TCERG1L: variants seen among roughly 807,000 people sequenced by gnomAD.
TCERG1L encodes the protein transcription elongation regulator 1 like, also known as transcription elongation regulator 1-like protein.
TCERG1L carries 37 observed loss-of-function variants against 56.3 expected under a neutral mutation model. The ratio of observed to expected loss-of-function variants is 0.66; its 90% CI spans 0.51 to 0.87. The LOEUF (loss-of-function observed/expected upper bound fraction) is 0.87, where lower values mean the gene tolerates loss of function less well. Among genes scored for constraint, TCERG1L ranks in the 40% least tolerant of loss-of-function variants. The probability of loss-of-function intolerance (pLI) is 0.00; values close to 1 mark genes in which losing one functional copy is unlikely to be tolerated. For missense variants in TCERG1L, 799 were observed against 774.2 expected (o/e 1.03, Z -0.38); for synonymous variants, 324 against 326.3 (o/e 0.99, Z 0.08).
At chr10:131,188,761 C>T (rs1330981839) in intron 4 of TCERG1L, among the ~76,000 whole-genome samples, 1 of 152,158 alleles carries the variant, frequency 6.6e-6, no homozygotes, top group Non-Finnish European at 1.5e-5. Context: ...ACTATATTCA[C>T]ATGATTCAAA....
chr10:131,234,264 AG>A (rs1366861684), intron 4 of TCERG1L, among the ~76,000 whole-genome samples: 1 of 152,240 alleles, frequency 6.6e-6, no homozygotes, highest in African/African-American at 2.4e-5. Context: ...CATCTGTGAG[AG>A]TCCCTGCTAC....
intron 7 of TCERG1L, 59 bp downstream of exon 7, chr10:131,146,447 T>G: frequency 7.0e-7 from 1 of 1,434,350 alleles, no homozygotes; most frequent in South Asian, 1.7e-5. Flanking sequence ...TTTACGTTCA[T>G]TAGAAATAAG....
intron 3 of TCERG1L, among the ~76,000 whole-genome samples, chr10:131,304,853 A>AC (rs910135197): frequency 1.3e-5 from 2 of 151,930 alleles, no homozygotes; most frequent in Non-Finnish European, 2.9e-5. Flanking sequence ...AAGTCCCCCA[A>AC]CAGTCCGTGA....
chr10:131,282,122 C>CA (rs1846464031), intron 3 of TCERG1L, among the ~76,000 whole-genome samples: 1 of 117,518 alleles, frequency 8.5e-6, no homozygotes, highest in African/African-American at 3.2e-5. Context: ...GGCGAAAGAG[C>CA]AAGACTCCAT....
At position 131,311,061 on chromosome 10, in the gene TCERG1L, C is replaced by T. The variant is rs1222393867; in HGVS notation, c.342+233G>A. On this transcript the variant is annotated intron_variant, in intron 1 of 11. Transcript: ENST00000368642. The surrounding 1 kb of genome is among the most constrained non-coding windows in gnomAD (Gnocchi z 4.0). ...CTGGGCGGCGGGTCCCTCCACGGCTCCGTCCAGACACCCGGAGGCACCTGC... is the reference window on the plus strand; with the variant it reads ...CTGGGCGGCGGGTCCCTCCACGGCTTCGTCCAGACACCCGGAGGCACCTGC... Among the ~76,000 whole-genome samples, 1 of 152,088 alleles carries T rather than the reference C, an allele frequency of 6.6e-6. No homozygotes were observed. Among genetic ancestry groups the T allele is most frequent in the Non-Finnish European group, 1.5e-5 (1 of 67,990 alleles).
rs1354612429 is a variant in TCERG1L, at chr10:131,311,506, G to A, written c.130C>T (p.Pro44Ser). ...AGCCGGAGCAGCCCGGCCGAGCCCG[G>A]CACCATCCAGACCCAGGGCGGCGGC... ...PPPPPWVWMVPGSAGLLRLSA... is the reference protein window; with the variant it reads ...PPPPPWVWMVSGSAGLLRLSA... The change falls in exon 1 of 12, where the codon CCG becomes TCG. Residue 44 changes from proline to serine, a missense_variant. Transcript: ENST00000368642. The surrounding 1 kb of genome is among the most constrained non-coding windows in gnomAD (Gnocchi z 4.0). 4 of 1,205,036 alleles carry A rather than the reference G, an allele frequency of 3.3e-6. No homozygotes were observed. Among genetic ancestry groups the A allele is most frequent in the South Asian group, 3.0e-5 (1 of 33,426 alleles). 74.6% of individuals were successfully genotyped at this position (1,205,036 alleles called of 1,614,324 possible).
chr10:131,137,451 T>C (rs1299795427), intron 7 of TCERG1L, among the ~76,000 whole-genome samples: 1 of 152,216 alleles, frequency 6.6e-6, no homozygotes, highest in East Asian at 1.9e-4. Flanking sequence ...GCCCTCCGCC[T>C]GACTGCCTTT....
At chr10:131,174,310 G>A (rs559194345) in intron 4 of TCERG1L, among the ~76,000 whole-genome samples, 3 of 152,332 alleles carry the variant, frequency 2.0e-5, no homozygotes, top group East Asian at 1.9e-4. Context: ...CATCACGCCC[G>A]GCCGCACAGG....
At chr10:131,172,043 T>C (rs1337641204) in intron 4 of TCERG1L, among the ~76,000 whole-genome samples, 1 of 152,248 alleles carries the variant, frequency 6.6e-6, no homozygotes, top group African/African-American at 2.4e-5. Flanking sequence ...ATTCCATAAA[T>C]ATTGACCTCC....
rs1464450978 is a variant in TCERG1L at position 131,093,040 on chromosome 10, C to A, written c.*122G>T. On this transcript the variant is annotated 3_prime_UTR_variant, in exon 12 of 12. Transcript: ENST00000368642. ...CTCTGAGAACGAAGACCCCGCAGTGCCGGTGCCCGCTGGGCCGTGCAGGTC... is the reference window on the plus strand; with the variant it reads ...CTCTGAGAACGAAGACCCCGCAGTGACGGTGCCCGCTGGGCCGTGCAGGTC... 2.0e-5 allele frequency: 19 copies of A among 963,334 alleles called. No individual in the cohort carries two copies. The highest frequency in any genetic ancestry group is 2.9e-5 in the Non-Finnish European group (19 of 653,194). The allele number at this position is 963,334 out of a possible 1,614,324, so 59.7% of individuals were successfully genotyped here.
At chr10:131,270,599 CAT>C (rs1172914742) in intron 3 of TCERG1L, among the ~76,000 whole-genome samples, 1 of 152,242 alleles carries the variant, frequency 6.6e-6, no homozygotes. Context: ...AGAAAACCCA[CAT>C]GTGCTTGATG....
At chr10:131,287,606 T>C (rs1363895847) in intron 3 of TCERG1L, among the ~76,000 whole-genome samples, 1 of 152,054 alleles carries the variant, frequency 6.6e-6, no homozygotes, top group Non-Finnish European at 1.5e-5. Flanking sequence ...TATAAAGTGA[T>C]CCAAAGGTCT....
intron 3 of TCERG1L, among the ~76,000 whole-genome samples, chr10:131,286,161 C>T (rs1472739327): frequency 3.3e-5 from 5 of 152,140 alleles, no homozygotes; most frequent in African/African-American, 1.2e-4. Context: ...TCCCTTAAAA[C>T]AGAAGAAATA....
Position 131,241,296 on chromosome 10 carries a change from C to T in TCERG1L, c.856+18963G>A, listed in dbSNP as rs117501300. ...TAGAAAACAAAGTTAAGGAAGTCTA[C>T]CAGAATGTAGGAAAAAGTCAAAGAG... On this transcript the variant is annotated intron_variant, in intron 4 of 11. Coordinates refer to ENST00000368642, the MANE Select transcript of TCERG1L (RefSeq NM_174937.4). Among the ~76,000 whole-genome samples the T allele has an allele frequency of 2.3e-3, 349 of 152,118 alleles. 9 individuals are homozygous for T. The East Asian group carries it at 0.038, about 16-fold the overall frequency.
intron 4 of TCERG1L, among the ~76,000 whole-genome samples, chr10:131,218,064 C>A (rs1052042793): frequency 2.0e-5 from 3 of 152,126 alleles, no homozygotes; most frequent in Non-Finnish European, 4.4e-5. Context: ...GTGCCTGCCA[C>A]GAGAGCAGGA....
intron 6 of TCERG1L, among the ~76,000 whole-genome samples, chr10:131,157,212 G>A (rs1401856666): frequency 1.3e-5 from 2 of 152,128 alleles, no homozygotes; most frequent in Non-Finnish European, 2.9e-5. Context: ...GTGCACTTTC[G>A]TATCTTTCCA....
intron 9 of TCERG1L, among the ~76,000 whole-genome samples, chr10:131,109,465 G>GCTGTGT (rs578046036): frequency 4.7e-4 from 72 of 152,076 alleles, no homozygotes; most frequent in South Asian, 1.7e-3. Context: ...TGTGACTGTG[G>GCTGTGT]CTGTGTCTGT....
At chr10:131,285,521 AAAGAGAGAAAGAAAAG>A (rs1564833932) in intron 3 of TCERG1L, among the ~76,000 whole-genome samples, 1,056 of 34,378 alleles carry the variant, frequency 0.031, 37 homozygotes, top group East Asian at 0.19. Flanking sequence ...AGAAAGAAAG[AAAGAGAGAAAGAAAAG>A]AAAAGAAAGA....
chr10:131,213,477 T>C (rs1589750762), intron 4 of TCERG1L, among the ~76,000 whole-genome samples: 1 of 152,324 alleles, frequency 6.6e-6, no homozygotes, highest in Middle Eastern at 3.4e-3. Flanking sequence ...TAAAATATCA[T>C]TGAGCAGCTA....
Sources: gnomAD v4.1 joint callset for allele counts (sites outside exome capture counted in the v4.1 genomes callset) on GRCh38, gnomAD v4.1.1 for gene constraint, Gnocchi (gnomAD v3.1) non-coding constraint, MANE v1.5 for transcripts, NCBI Gene and HGNC (gene_info 2026-07-23, HGNC 2026-07-21) for gene names.